The following PGM5 variants were observed in gnomAD, a reference collection of about 807,000 sequenced individuals.
PGM5 encodes phosphoglucomutase-like protein 5.
PGM5 carries 23 observed loss-of-function variants against 59.2 expected under a neutral mutation model. The observed-to-expected ratio is 0.39, with a 90% CI of 0.28 to 0.55. The LOEUF is 0.55. PGM5 is among the 20% of genes least tolerant of loss of function. The pLI, the probability that PGM5 is intolerant of heterozygous loss-of-function variation, is 0.66. For synonymous variants in PGM5, 214 were observed against 286.0 expected, an observed-to-expected ratio of 0.75 and a Z score of 2.54; for missense variants, 574 against 748.3, an observed-to-expected ratio of 0.77 and a Z score of 2.72.
chr9:68,423,167 T>A (rs962865407), intron 6 of PGM5, among the ~76,000 whole-genome samples: 2 of 151,842 alleles, frequency 1.3e-5, no homozygotes, highest in African/African-American at 4.9e-5. Context: ...CTATTGTGAA[T>A]TGTGCTGCTA....
chr9:68,510,092 C>T (rs1824722840), intron 10 of PGM5, among the ~76,000 whole-genome samples: 3 of 151,094 alleles, frequency 2.0e-5, no homozygotes, highest in Admixed American at 1.3e-4. Flanking sequence ...GTTTTTTTCA[C>T]ATACCATCAA....
At chr9:68,482,973 T>C (rs1554687235) in intron 8 of PGM5, among the ~76,000 whole-genome samples, 1 of 152,244 alleles carries the variant, frequency 6.6e-6, no homozygotes, top group Non-Finnish European at 1.5e-5. Context: ...CTAGGAGGAC[T>C]TTTTTGAATG....
In PGM5 at chr9:68,529,592, T is replaced by C; in HGVS notation, c.1640T>C (p.Ile547Thr). ...PQAVLSPLIA[I>T]ALKISQIHER... ...GCAGTGCTGAGCCCTCTCATAGCCA[T>C]CGCACTGAAAATATCCCAGATTCAT... The change falls in exon 11 of 11, where the codon ATC (isoleucine) becomes ACC (threonine). Residue 547 changes from isoleucine to threonine, a missense_variant. Around this residue, in one of 7 missense-constraint regions of PGM5, gnomAD observed 300 missense variants for 280.0 expected, o/e 1.07. Transcript: ENST00000396396. The C allele has an allele frequency of 6.3e-7, 1 of 1,598,876 alleles. No homozygotes were observed. The highest frequency in any genetic ancestry group is 8.5e-7 in the Non-Finnish European group (1 of 1,170,198).
chr9:68,522,826 G>A (rs1394381796), intron 10 of PGM5, among the ~76,000 whole-genome samples: 3 of 152,128 alleles, frequency 2.0e-5, no homozygotes, highest in African/African-American at 7.2e-5. Flanking sequence ...ATAATTGGGA[G>A]TCATGCCATT....
chr9:68,407,292 T>C (rs1166849089), intron 6 of PGM5, among the ~76,000 whole-genome samples: 2 of 152,078 alleles, frequency 1.3e-5, no homozygotes, highest in Non-Finnish European at 2.9e-5. Flanking sequence ...CCTACCTGGC[T>C]AATTTTTTAT....
rs1162539510 is a variant in PGM5 at position 68,479,823 on chromosome 9, A to G, written c.1295+270A>G. On this transcript the variant is annotated intron_variant, in intron 8 of 10. Transcript: ENST00000396396. The stretch of plus-strand genomic sequence containing the variant: ...GTGGCGGGCGCCTGTAGTCCCAGCT[A>G]CTTGGGAGGCTGAGGCAGGAGAATG... Among the ~76,000 whole-genome samples the G allele has an allele frequency of 2.0e-5, 3 of 151,428 alleles. No homozygotes were observed. In the South Asian group the frequency reaches 6.2e-4, roughly 32 times the overall value.
chr9:68,517,130 C>T (rs568687842), intron 10 of PGM5, among the ~76,000 whole-genome samples: 21 of 151,860 alleles, frequency 1.4e-4, no homozygotes, highest in Admixed American at 1.0e-3. Flanking sequence ...GTGATCTGCC[C>T]GCCTCGGCCT....
intron 6 of PGM5, among the ~76,000 whole-genome samples, chr9:68,454,736 TCTC>T (rs1288186149): frequency 6.6e-5 from 10 of 152,170 alleles, no homozygotes; most frequent in Non-Finnish European, 1.5e-4. Flanking sequence ...GAGTCCCTAC[TCTC>T]CTCCGTGCTA....
chr9:68,412,370 G>A (rs1238066740), intron 6 of PGM5, among the ~76,000 whole-genome samples: 2 of 152,142 alleles, frequency 1.3e-5, no homozygotes, highest in Non-Finnish European at 2.9e-5. Context: ...ATGCTTCATG[G>A]TATCTGAGAG....
At chr9:68,405,311 G>T (rs1554681012) in intron 6 of PGM5, 1 of 152,260 alleles carries the variant, frequency 6.6e-6, no homozygotes. Flanking sequence ...GCATACATTT[G>T]TCCTCCAAAG....
intron 6 of PGM5, among the ~76,000 whole-genome samples, chr9:68,406,913 C>T (rs1437481499): frequency 6.6e-6 from 1 of 151,116 alleles, no homozygotes; most frequent in Non-Finnish European, 1.5e-5. Flanking sequence ...CCCCGTCTTC[C>T]ACATGTGGAT....
chr9:68,410,079 G>A (rs1822900435), intron 6 of PGM5, among the ~76,000 whole-genome samples: 2 of 152,188 alleles, frequency 1.3e-5, no homozygotes, highest in Non-Finnish European at 2.9e-5. Flanking sequence ...TGCAGCCCTT[G>A]TCCTCAGGGT....
chr9:68,376,474 G>GGT (rs1821886003), intron 1 of PGM5, among the ~76,000 whole-genome samples: 1 of 110,956 alleles, frequency 9.0e-6, no homozygotes, highest in Non-Finnish European at 1.9e-5. Context: ...TTGCTTTTGA[G>GGT]CTGTGTGTGT....
intron 10 of PGM5, among the ~76,000 whole-genome samples, chr9:68,522,877 T>C (rs559260972): frequency 3.6e-4 from 55 of 152,346 alleles, no homozygotes; most frequent in African/African-American, 1.3e-3. Flanking sequence ...CCTTCTGCTC[T>C]CTTTAATTCT....
chr9:68,395,688 A>T lies in PGM5; in HGVS notation c.1043+3215A>T, dbSNP rs2257531. ...AAATTTATTTCTGAGTATTTTCTTT[A>T]TTTTGACGCTATTATGAATGTTTTA... On this transcript the variant is annotated intron_variant, in intron 6 of 10. Transcript: ENST00000396396. 2.6e-5 allele frequency: 4 copies of T among 152,106 alleles called. 1 individual carries two copies. The South Asian group carries it at 8.3e-4, about 32-fold the overall frequency. 9.4% of individuals were successfully genotyped at this position (152,106 alleles called of 1,614,324 possible). A position where few individuals can be genotyped will look rare whatever the true frequency, so the allele number is the denominator to read the frequency against.
At chr9:68,503,552 C>G (rs1418523694) in intron 10 of PGM5, among the ~76,000 whole-genome samples, 1 of 152,066 alleles carries the variant, frequency 6.6e-6, no homozygotes, top group African/African-American at 2.4e-5. Flanking sequence ...CTTTTGTGAG[C>G]GAAAGATAAT....
chr9:68,456,694 G>A (rs951711354), intron 6 of PGM5, among the ~76,000 whole-genome samples: 9 of 145,334 alleles, frequency 6.2e-5, no homozygotes, highest in African/African-American at 1.0e-4. Flanking sequence ...GTGCAATCTC[G>A]GCTCACTGCA....
intron 6 of PGM5, among the ~76,000 whole-genome samples, chr9:68,426,424 A>G (rs1222449335): frequency 2.6e-5 from 4 of 152,150 alleles, no homozygotes; most frequent in African/African-American, 9.7e-5. Context: ...ATATGTATAT[A>G]TGGTTTCAAT....
intron 10 of PGM5, among the ~76,000 whole-genome samples, chr9:68,528,521 G>C (rs893703944): frequency 2.6e-5 from 4 of 152,198 alleles, no homozygotes; most frequent in Admixed American, 2.0e-4. Flanking sequence ...ACAGGCATGA[G>C]CCACCACGCG....
Sources: gnomAD v4.1 joint callset for allele counts (sites outside exome capture counted in the v4.1 genomes callset) on GRCh38, gnomAD v4.1.1 for gene constraint, gnomAD v4.1.1 regional missense constraint, MANE v1.5 for transcripts, NCBI Gene and HGNC (gene_info 2026-07-23, HGNC 2026-07-21) for gene names.